SOAT1: variants seen among roughly 807,000 people sequenced by gnomAD.
SOAT1 encodes the protein acyl-coenzyme A:cholesterol acyltransferase 1.
A neutral mutation model predicts 69.5 loss-of-function variants in SOAT1; 55 were observed. The ratio of observed to expected loss-of-function variants is 0.79; its 90% CI spans 0.64 to 0.99. The LOEUF is 0.99. Ranked by LOEUF, SOAT1 falls within the 50% of genes least tolerant of loss-of-function variation. SOAT1 has a pLI of 0.00. For synonymous variants in SOAT1, 231 were observed against 224.7 expected (o/e 1.03, Z -0.25); for missense variants, 580 against 669.3 (o/e 0.87, Z 1.47).
At chr1:179,331,810 T>C (rs1238862994) in intron 3 of SOAT1, among the ~76,000 whole-genome samples, 2 of 152,220 alleles carry the variant, frequency 1.3e-5, no homozygotes, top group African/African-American at 4.8e-5. Context: ...CTGTATTACC[T>C]GTTCCATTGT....
chr1:179,342,303 C>T (rs774226292), intron 8 of SOAT1, 111 bp downstream of exon 8: 3 of 609,188 alleles, frequency 4.9e-6, no homozygotes, highest in Admixed American at 3.2e-5. Flanking sequence ...CTCCCTCCCT[C>T]TCTCTTTTTC....
At position 179,358,623 on chromosome 1, in the gene SOAT1, A is replaced by G. The variant is rs1475696077; in HGVS notation, c.*4982A>G. The G allele has an allele frequency of 1.3e-5, 2 of 152,164 alleles. No individual in the cohort carries two copies. The highest frequency in any genetic ancestry group is 4.8e-5 in the African/African-American group (2 of 41,432). The allele number at this position is 152,164 out of a possible 1,614,324, so 9.4% of individuals were successfully genotyped here. The stretch of plus-strand genomic sequence containing the variant: ...GTGTGTGTTAATCCATAGTGTTCTG[A>G]GCACCAGAAGGGTCATGTAAATCTG... On this transcript the variant is annotated 3_prime_UTR_variant, in exon 16 of 16. Coordinates refer to ENST00000367619, the MANE Select transcript of SOAT1 (RefSeq NM_003101.6).
In SOAT1 at chr1:179,347,598, A is replaced by C; in HGVS notation, c.1118-2A>C. 3.2e-6 allele frequency: 5 copies of C among 1,583,474 alleles called. No homozygotes were observed. The highest frequency in any genetic ancestry group is 4.3e-6 in the Non-Finnish European group (5 of 1,153,600). On this transcript the variant is annotated splice_acceptor_variant, in intron 11 of 15. Transcript: ENST00000367619. LOFTEE classifies it high-confidence loss of function. ...TGTTAATATTGTTAATCTTATTTTTAGGTGTGCTGATTCTCTTCCTTACTT... is the reference window on the plus strand; with the variant it reads ...TGTTAATATTGTTAATCTTATTTTTCGGTGTGCTGATTCTCTTCCTTACTT...
chr1:179,345,183 A>G (rs1666486032), intron 11 of SOAT1, 107 bp downstream of exon 11: 5 of 1,070,082 alleles, frequency 4.7e-6, no homozygotes, highest in South Asian at 2.8e-5. Flanking sequence ...CTAAACTTCT[A>G]TACATCTATG....
Position 179,298,127 on chromosome 1 carries a change from C to CTGACT in SOAT1, c.-9+4192_-9+4193insGACTT, listed in dbSNP as rs1196479616. Among the ~76,000 whole-genome samples, 6 of 1,546 alleles carry CTGACT rather than the reference C, an allele frequency of 3.9e-3. No individual in the cohort carries two copies. The East Asian group carries it at 0.21, about 55-fold the overall frequency. 1.0% of individuals were successfully genotyped at this position (1,546 alleles called of 152,430 possible). A position where few individuals can be genotyped will look rare whatever the true frequency, so the allele number is the denominator to read the frequency against. On this transcript the variant is annotated intron_variant, in intron 1 of 15. Transcript: ENST00000367619. ...GGTTTAAGTTGTGAAGTGACTTGAT[C>CTGACT]TAACTTGAGTGCAATGGTGTGATTG...
chr1:179,315,505 A>G (rs926717670), intron 2 of SOAT1, among the ~76,000 whole-genome samples: 1 of 152,064 alleles, frequency 6.6e-6, no homozygotes, highest in South Asian at 2.1e-4. Context: ...GCTTTTAGGC[A>G]TTCTTTTGAC....
At chr1:179,337,220 A>G (rs1666189664) in intron 4 of SOAT1, among the ~76,000 whole-genome samples, 1 of 152,188 alleles carries the variant, frequency 6.6e-6, no homozygotes. Context: ...AGTTTTGACC[A>G]ATTATAGTTA....
chr1:179,323,045 C>CTTTTTTTTTTTTTTTTTTTCT (rs36045111), intron 2 of SOAT1, among the ~76,000 whole-genome samples: 6 of 126,738 alleles, frequency 4.7e-5, no homozygotes, highest in Non-Finnish European at 6.5e-5. Context: ...TCTTTTCTTT[C>CTTTTTTTTTTTTTTTTTTTCT]TTTTTTTTTT....
intron 5 of SOAT1, 34 bp from the exon 6 acceptor site, chr1:179,339,402 CAT>C: frequency 7.3e-7 from 1 of 1,368,064 alleles, no homozygotes; most frequent in Non-Finnish European, 1.0e-6. Flanking sequence ...TTTAAATATA[CAT>C]TATTAACTTG....
intron 3 of SOAT1, among the ~76,000 whole-genome samples, chr1:179,328,288 G>A (rs889119029): frequency 3.3e-5 from 5 of 152,128 alleles, no homozygotes; most frequent in Admixed American, 1.3e-4. Flanking sequence ...GCAAATAACA[G>A]AAGCCTACTT....
At chr1:179,351,721 A>ATTTTTT (rs71901753) in intron 15 of SOAT1, among the ~76,000 whole-genome samples, 37,710 of 105,678 alleles carry the variant, frequency 0.36, 8,828 homozygotes, top group Middle Eastern at 0.39. Flanking sequence ...GCCCCTTCTA[A>ATTTTTT]TTTTTTTTTT....
At chr1:179,343,098 AG>A (rs1469068339) in intron 9 of SOAT1, among the ~76,000 whole-genome samples, 155 bp downstream of exon 9, 2 of 125,878 alleles carry the variant, frequency 1.6e-5, no homozygotes, top group African/African-American at 5.6e-5. Context: ...AATGGTGAGT[AG>A]GGAAGTCTAA....
At chr1:179,342,628 T>C (rs1666381170) in intron 8 of SOAT1, among the ~76,000 whole-genome samples, 1 of 152,158 alleles carries the variant, frequency 6.6e-6, no homozygotes, top group African/African-American at 2.4e-5. Context: ...TCTTTGCAAA[T>C]TGTTGCTTCA....
intron 6 of SOAT1, among the ~76,000 whole-genome samples, chr1:179,340,141 A>G (rs1266721908): frequency 2.0e-5 from 3 of 152,224 alleles, no homozygotes; most frequent in Admixed American, 6.5e-5. Flanking sequence ...ATGGTTACTT[A>G]AAACAAGTAG....
At position 179,335,585 on chromosome 1, in the gene SOAT1, C is replaced by A. The variant is rs760199455; in HGVS notation, c.257C>A (p.Ser86Ter). The A allele has an allele frequency of 1.9e-5, 30 of 1,613,964 alleles. No individual in the cohort carries two copies. The highest frequency in any genetic ancestry group is 2.5e-5 in the Non-Finnish European group (30 of 1,179,852). ...ACCAATCTCATTGAAAAGTCAGCATCATTAGATAATGGTGGGTGCGCTCTC... is the reference window on the plus strand; with the variant it reads ...ACCAATCTCATTGAAAAGTCAGCATAATTAGATAATGGTGGGTGCGCTCTC... ...FVTNLIEKSASLDNGGCALTT... is the reference protein window; with the variant it reads ...FVTNLIEKSA Residue 86 changes from serine to a stop codon, truncating the protein, a stop_gained, in exon 4 of 16, where the codon TCA (serine) becomes TAA (stop). Coordinates refer to ENST00000367619, the MANE Select transcript of SOAT1 (RefSeq NM_003101.6). LOFTEE classifies it high-confidence loss of function.
intron 3 of SOAT1, among the ~76,000 whole-genome samples, chr1:179,328,763 G>A (rs61824367): frequency 2.8e-4 from 42 of 152,068 alleles, no homozygotes; most frequent in Non-Finnish European, 2.9e-5. Context: ...ACATTTTTGG[G>A]CCAGGCGCAT....
intron 2 of SOAT1, among the ~76,000 whole-genome samples, chr1:179,316,261 T>C (rs1477486792): frequency 2.6e-5 from 4 of 152,216 alleles, no homozygotes; most frequent in African/African-American, 9.6e-5. Context: ...GTCTCCTGGC[T>C]TCCATTGATG....
At chr1:179,351,065 CAG>C (rs1327878614) in intron 14 of SOAT1, among the ~76,000 whole-genome samples, 12 of 116,630 alleles carry the variant, frequency 1.0e-4, no homozygotes, top group Non-Finnish European at 1.9e-4. Context: ...TTTTTTGAGA[CAG>C]AGTTTCACTC....
intron 3 of SOAT1, among the ~76,000 whole-genome samples, chr1:179,333,548 T>C (rs982761877): frequency 2.7e-5 from 4 of 149,590 alleles, no homozygotes; most frequent in African/African-American, 9.9e-5. Context: ...TTTAAAAAGG[T>C]AAAAGTTTCA....
Sources: gnomAD v4.1 joint callset for allele counts (sites outside exome capture counted in the v4.1 genomes callset) on GRCh38, gnomAD v4.1.1 for gene constraint, MANE v1.5 for transcripts, NCBI Gene and HGNC (gene_info 2026-07-23, HGNC 2026-07-21) for gene names.